Variants in CLNK observed in about 807,000 individuals in gnomAD.
The protein encoded by CLNK is cytokine-dependent hematopoietic cell linker.
CLNK carries 74 observed loss-of-function variants against 68.6 expected under a neutral mutation model. The observed-to-expected ratio is 1.08, with a 90% CI of 0.89 to 1.31. CLNK has a LOEUF of 1.31. CLNK is among the 50% of genes most tolerant of loss of function. CLNK has a pLI of 0.00. For missense variants in CLNK, 553 were observed against 515.3 expected, an observed-to-expected ratio of 1.07 and a Z score of -0.71; for synonymous variants, 198 against 172.2, an observed-to-expected ratio of 1.15 and a Z score of -1.17.
intron 4 of CLNK, among the ~76,000 whole-genome samples, chr4:10,581,253 C>A (rs1422938240): frequency 6.6e-6 from 1 of 152,054 alleles, no homozygotes; most frequent in Admixed American, 6.6e-5. Context: ...GTTGAAATCA[C>A]CTAACGATGT....
intron 11 of CLNK, among the ~76,000 whole-genome samples, chr4:10,537,975 CA>C (rs1465402363): frequency 6.6e-6 from 1 of 151,626 alleles, no homozygotes; most frequent in African/African-American, 2.4e-5. Context: ...GTCATACTGC[CA>C]AAAGTGGCTC....
chr4:10,612,458 A>T (rs1047116800), intron 2 of CLNK, among the ~76,000 whole-genome samples: 5 of 152,232 alleles, frequency 3.3e-5, no homozygotes, highest in African/African-American at 1.2e-4. Flanking sequence ...AGGTTAAGCC[A>T]TATTTCTACT....
chr4:10,500,639 C>T (rs922177510), intron 18 of CLNK, among the ~76,000 whole-genome samples: 3 of 150,096 alleles, frequency 2.0e-5, no homozygotes, highest in South Asian at 2.1e-4. Flanking sequence ...GAGATCTGTA[C>T]TCTGGCCTGG....
chr4:10,598,080 GA>G (rs757308655), intron 2 of CLNK, 31 bp from the exon 3 acceptor site: 2 of 1,443,146 alleles, frequency 1.4e-6, no homozygotes, highest in Non-Finnish European at 1.9e-6. Flanking sequence ...TTATAGCTGG[GA>G]AATAGCAAGA....
chr4:10,600,321 C>A (rs554947093), intron 2 of CLNK, among the ~76,000 whole-genome samples: 21 of 152,286 alleles, frequency 1.4e-4, no homozygotes, highest in African/African-American at 4.6e-4. Context: ...CTCTCTATGG[C>A]CATTCATTTC....
the CLNK span, among the ~76,000 whole-genome samples, chr4:10,699,432 T>G: frequency 1.3e-4 from 18 of 140,938 alleles, no homozygotes; most frequent in Middle Eastern, 7.6e-3. Context: ...TAAAATGACA[T>G]TGTATTTGTA....
intron 2 of CLNK, among the ~76,000 whole-genome samples, chr4:10,651,711 A>G (rs1275739924): frequency 6.6e-6 from 1 of 152,202 alleles, no homozygotes; most frequent in Non-Finnish European, 1.5e-5. Flanking sequence ...TCTTTAAAAA[A>G]TTAATTAATA....
At chr4:10,731,464 C>A in the CLNK span, among the ~76,000 whole-genome samples, 1 of 152,268 alleles carries the variant, frequency 6.6e-6, no homozygotes. Flanking sequence ...TTCTGGTAAT[C>A]ACAATTCTCA....
chr4:10,696,625 A>G, the CLNK span, among the ~76,000 whole-genome samples: 1 of 152,166 alleles, frequency 6.6e-6, no homozygotes, highest in Admixed American at 6.5e-5. Flanking sequence ...AGAGCACCAC[A>G]AGAAAGTGAA....
rs138884040 is a variant in CLNK at position 10,581,281 on chromosome 4, C to T, written c.112+3646G>A. Among the ~76,000 whole-genome samples the T allele has an allele frequency of 5.0e-3, 755 of 151,990 alleles. 6 individuals are homozygous for T. The highest frequency in any genetic ancestry group is 0.017 in the African/African-American group (712 of 41,444). ...AACGATGTATTTTTCAGAATACGTC[C>T]CCATTAGTATGTGACACATGACTGT... is the stretch of plus-strand genomic sequence containing the variant. On this transcript the variant is annotated intron_variant, in intron 4 of 18. Coordinates refer to ENST00000226951, the MANE Select transcript of CLNK (RefSeq NM_052964.4).
At chr4:10,494,459 AT>A (rs11379290) in intron 18 of CLNK, among the ~76,000 whole-genome samples, 2,828 of 140,000 alleles carry the variant, frequency 0.02, 25 homozygotes, top group Non-Finnish European at 0.028. Flanking sequence ...AGTATTTCCT[AT>A]TTTTTTTTTT....
At chr4:10,632,986 A>G (rs1722947522) in intron 2 of CLNK, among the ~76,000 whole-genome samples, 1 of 152,206 alleles carries the variant, frequency 6.6e-6, no homozygotes, top group Non-Finnish European at 1.5e-5. Flanking sequence ...CAACCAGGCC[A>G]GAGTGCAGGG....
chr4:10,607,910 G>T (rs1721848596), intron 2 of CLNK, among the ~76,000 whole-genome samples: 1 of 152,218 alleles, frequency 6.6e-6, no homozygotes, highest in South Asian at 2.1e-4. Context: ...AGAGGGTGAG[G>T]CTGTTTCATG....
At chr4:10,682,412 C>G (rs945125780) in intron 1 of CLNK, among the ~76,000 whole-genome samples, 2 of 152,122 alleles carry the variant, frequency 1.3e-5, no homozygotes, top group Admixed American at 6.6e-5. Flanking sequence ...TATAACTGCT[C>G]CATGTACTAG....
At position 10,501,359 on chromosome 4, in the gene CLNK, T is replaced by C. The variant is rs372838924; in HGVS notation, c.1037A>G (p.Tyr346Cys). 17 of 1,610,242 alleles carry C rather than the reference T, an allele frequency of 1.1e-5. No homozygotes were observed. Among genetic ancestry groups the C allele is most frequent in the African/African-American group, 8.0e-5 (6 of 74,652 alleles). Residue 346 changes from tyrosine (Y) to cysteine (C), a missense_variant, in exon 18 of 19, where the codon TAT becomes TGT. By Grantham distance (194) the Tyr-to-Cys change is radical (BLOSUM62 -2). Transcript: ENST00000226951. ...GTTCTCATAAAACACAGCCAAAACA[T>C]AGGGCTCTTCCTTGGATTTTGTGGA... Reference protein sequence around the residue: ...DCSTKSKEEPYVLAVFYENKV... With the variant: ...DCSTKSKEEPCVLAVFYENKV...
intron 1 of CLNK, among the ~76,000 whole-genome samples, chr4:10,673,883 C>T (rs778235302): frequency 6.6e-6 from 1 of 152,092 alleles, no homozygotes; most frequent in South Asian, 2.1e-4. Flanking sequence ...TGCCTTGATT[C>T]GGAGACCTTG....
intron 8 of CLNK, among the ~76,000 whole-genome samples, chr4:10,549,689 T>C (rs1188324581): frequency 2.6e-5 from 4 of 152,122 alleles, no homozygotes; most frequent in Non-Finnish European, 5.9e-5. Flanking sequence ...GTATGAAAAA[T>C]TAGAGGGAAA....
intron 8 of CLNK, 144 bp from the exon 9 acceptor site, chr4:10,542,424 C>T (rs1268721234): frequency 4.8e-6 from 3 of 624,088 alleles, no homozygotes; most frequent in Non-Finnish European, 8.4e-6. Context: ...ATATGAGATA[C>T]CCAGAATAAT....
intron 2 of CLNK, among the ~76,000 whole-genome samples, chr4:10,607,472 T>C (rs978745274): frequency 6.6e-6 from 1 of 152,218 alleles, no homozygotes; most frequent in Non-Finnish European, 1.5e-5. Context: ...ACACTGATGA[T>C]AAGGCATGAT....
Sources: allele counts gnomAD v4.1 joint callset (sites outside exome capture counted in the v4.1 genomes callset), GRCh38; gene constraint gnomAD v4.1.1; transcripts MANE v1.5; gene names NCBI Gene and HGNC (gene_info 2026-07-23, HGNC 2026-07-21).